The following TNRC6C variants were observed in gnomAD, a reference collection of about 807,000 sequenced individuals.
The protein encoded by TNRC6C is trinucleotide repeat-containing gene 6C protein.
A neutral mutation model predicts 153.7 loss-of-function variants in TNRC6C; 20 were observed. The observed-to-expected ratio is 0.13, with a 90% confidence interval of 0.09 to 0.19. The LOEUF is 0.19. Among genes scored for constraint, TNRC6C ranks in the 10% least tolerant of loss-of-function variants. TNRC6C has a pLI of 1.00. For synonymous variants in TNRC6C, 811 were observed against 841.4 expected (o/e 0.96, Z 0.63); for missense variants, 1,987 against 2,172.0 (o/e 0.91, Z 1.69).
At chr17:77,991,047 G>T (rs2071242209) in intron 1 of TNRC6C, among the ~76,000 whole-genome samples, 1 of 152,138 alleles carries the variant, frequency 6.6e-6, no homozygotes, top group Non-Finnish European at 1.5e-5. Flanking sequence ...GGTAGATTAG[G>T]TATAAAAGTT....
chr17:77,967,184 T>C (rs960084911), intron 1 of TNRC6C, among the ~76,000 whole-genome samples: 1 of 152,252 alleles, frequency 6.6e-6, no homozygotes, highest in African/African-American at 2.4e-5. Context: ...TATTCTTTTC[T>C]ATCAACTTTA....
chr17:78,031,612 A>G (rs1598711808), exon 2 of TNRC6C: 8 of 1,232,460 alleles, frequency 6.5e-6, no homozygotes, highest in Non-Finnish European at 8.1e-6. Context: ...AACAATGGCA[A>G]ACGTGCATCT....
intron 1 of TNRC6C, among the ~76,000 whole-genome samples, chr17:78,013,920 T>C (rs1028926346): frequency 5.3e-5 from 8 of 152,140 alleles, no homozygotes; most frequent in African/African-American, 1.9e-4. Flanking sequence ...AAAGAGGAGT[T>C]GTGCTCTTTT....
At chr17:78,102,921 G>A (rs1382879785) in intron 18 of TNRC6C, 1 of 244,488 alleles carries the variant, frequency 4.1e-6, no homozygotes, top group Non-Finnish European at 8.0e-6. Context: ...GGGATCACCT[G>A]AGCCCAAGAG....
upstream of TNRC6C, among the ~76,000 whole-genome samples, chr17:78,002,053 C>A (rs1238074632): frequency 6.6e-6 from 1 of 151,880 alleles, no homozygotes; most frequent in Non-Finnish European, 1.5e-5. Context: ...AGAAAAAATA[C>A]AAATTGACTC....
chr17:77,974,204 T>C (rs2144076139), intron 1 of TNRC6C, among the ~76,000 whole-genome samples: 1 of 152,236 alleles, frequency 6.6e-6, no homozygotes, highest in Admixed American at 6.5e-5. Context: ...CTCTCGTAAC[T>C]TAATAATAAG....
At chr17:78,048,732 T>G (rs904977091) in intron 2 of TNRC6C, 113 bp from the exon 5 acceptor site, 52 of 1,039,910 alleles carry the variant, frequency 5.0e-5, no homozygotes, top group Non-Finnish European at 5.8e-5. Flanking sequence ...TTAGTGTTTG[T>G]CATTCAGATT....
chr17:78,073,690 C>T (rs112060942), intron 7 of TNRC6C, among the ~76,000 whole-genome samples: 18 of 152,284 alleles, frequency 1.2e-4, no homozygotes, highest in African/African-American at 4.3e-4. Context: ...GGTTGGGTTC[C>T]TATGAGCCTC....
intron 2 of TNRC6C, among the ~76,000 whole-genome samples, chr17:78,041,363 C>T (rs1353743098): frequency 2.0e-5 from 3 of 152,208 alleles, no homozygotes; most frequent in Non-Finnish European, 2.9e-5. Context: ...TGTGGTTTCT[C>T]TCTGCTGGGC....
intron 5 of TNRC6C, among the ~76,000 whole-genome samples, chr17:78,068,778 C>G (rs542530087): frequency 3.9e-5 from 6 of 152,008 alleles, no homozygotes; most frequent in African/African-American, 1.4e-4. Flanking sequence ...CCAGCCTGGG[C>G]GACAGAGCGA....
chr17:78,041,491 A>G (rs1236246637), intron 2 of TNRC6C, among the ~76,000 whole-genome samples: 1 of 152,232 alleles, frequency 6.6e-6, no homozygotes, highest in Non-Finnish European at 1.5e-5. Flanking sequence ...CGTTTTGAAG[A>G]AAAACACAAG....
Position 78,101,791 on chromosome 17 carries a change from C to T in TNRC6C, c.4502-683C>T, listed in dbSNP as rs573648741. On this transcript the variant is annotated intron_variant, in intron 17 of 19. Transcript: ENST00000301624. ...CGTGCTACTGTTTGTGGTTTAAGAA[C>T]GCCTTTAAGCAGTCTTCCGCCCTGG... 2.5e-3 allele frequency among the ~76,000 whole-genome samples: 385 copies of T among 152,334 alleles called. 1 individual carries two copies. Among genetic ancestry groups the T allele is most frequent in the African/African-American group, 8.9e-3 (369 of 41,576 alleles).
At chr17:78,001,358 G>A (rs114871860), upstream of TNRC6C, among the ~76,000 whole-genome samples, 202 of 152,178 alleles carry the variant, frequency 1.3e-3, no homozygotes, top group Middle Eastern at 6.8e-3. Flanking sequence ...CCTAGTTGCC[G>A]TTGCTACTGA....
chr17:78,025,982 A>T (rs776257667), intron 1 of TNRC6C, among the ~76,000 whole-genome samples: 1 of 152,160 alleles, frequency 6.6e-6, no homozygotes, highest in Non-Finnish European at 1.5e-5. Context: ...TAAACCTTTC[A>T]TTTCCAGATG....
At chr17:78,041,667 A>G (rs2072298214) in intron 2 of TNRC6C, among the ~76,000 whole-genome samples, 1 of 152,184 alleles carries the variant, frequency 6.6e-6, no homozygotes, top group Non-Finnish European at 1.5e-5. Flanking sequence ...TGAGATCTTT[A>G]CACCCAGTAA....
chr17:78,039,827 A>G (rs530789849), intron 2 of TNRC6C, among the ~76,000 whole-genome samples: 2 of 152,370 alleles, frequency 1.3e-5, no homozygotes, highest in South Asian at 4.1e-4. Context: ...CAGCTGTCAA[A>G]GGGCTGTCCT....
At chr17:78,084,767 T>C (rs2144475812) in intron 11 of TNRC6C, among the ~76,000 whole-genome samples, 1 of 152,202 alleles carries the variant, frequency 6.6e-6, no homozygotes, top group East Asian at 1.9e-4. Context: ...TAGCTGGGAT[T>C]ACAGGCGCCC....
At position 78,012,497 on chromosome 17, in the gene TNRC6C, A is replaced by G. The variant is rs1483418358; in HGVS notation, c.-546+7418A>G. 2.0e-5 allele frequency among the ~76,000 whole-genome samples: 3 copies of G among 152,064 alleles called. No individual in the cohort carries two copies. The East Asian group carries it at 5.8e-4, about 29-fold the overall frequency. ...ATATGTACCTCCTAACCTAAAATAA[A>G]GGCTTTTTTAAAAAAGTTCCCTGTT... On this transcript the variant is annotated intron_variant, in intron 1 of 19. Transcript: ENST00000301624.
chr17:78,104,399 C>T lies in TNRC6C; in HGVS notation c.4713-86C>T. The T allele has an allele frequency of 7.1e-7, 1 of 1,406,998 alleles. No individual in the cohort carries two copies. Among genetic ancestry groups the T allele is most frequent in the African/African-American group, 1.5e-5 (1 of 66,470 alleles). 87.2% of individuals were successfully genotyped at this position (1,406,998 alleles called of 1,614,324 possible). ...GCCACAGGATGGCTTCCATGTGGGG[C>T]CGTTCCCAATACAGAGAAAGCCAGT... On this transcript the variant is annotated intron_variant, in intron 19 of 19. Transcript: ENST00000301624. This position sits in a 1 kb window ranked among gnomAD's most constrained non-coding sequence, Gnocchi z 6.2.
Sources: allele counts gnomAD v4.1 joint callset (sites outside exome capture counted in the v4.1 genomes callset), GRCh38; gene constraint gnomAD v4.1.1; non-coding constraint Gnocchi (gnomAD v3.1); transcripts MANE v1.5; gene names NCBI Gene and HGNC (gene_info 2026-07-23, HGNC 2026-07-21).